The following FNDC3A variants were observed in gnomAD, a reference collection of about 807,000 sequenced individuals.
The protein encoded by FNDC3A is fibronectin type-III domain-containing protein 3A.
FNDC3A carries 32 observed loss-of-function variants against 148.9 expected under a neutral mutation model. That is an observed-to-expected ratio of 0.21 (90% CI 0.16 to 0.29). The LOEUF (loss-of-function observed/expected upper bound fraction) is 0.29, where lower values mean the gene tolerates loss of function less well. Among genes scored for constraint, FNDC3A ranks in the 10% least tolerant of loss-of-function variants. The pLI is 1.00. For missense variants in FNDC3A, 1,191 were observed against 1,452.8 expected, an observed-to-expected ratio of 0.82 and a Z score of 2.93; for synonymous variants, 472 against 473.6, an observed-to-expected ratio of 1.00 and a Z score of 0.04.
intron 1 of FNDC3A, among the ~76,000 whole-genome samples, chr13:48,980,335 G>T (rs1486574316): frequency 1.3e-5 from 2 of 152,134 alleles, no homozygotes; most frequent in Non-Finnish European, 2.9e-5. Context: ...GTCTGTAAGT[G>T]ACAACAGAGG....
chr13:49,094,008 AAG>A (rs1272692400), intron 3 of FNDC3A, among the ~76,000 whole-genome samples: 1 of 152,134 alleles, frequency 6.6e-6, no homozygotes. Flanking sequence ...AATAATTTTA[AAG>A]AGTGAACGAT....
intron 3 of FNDC3A, among the ~76,000 whole-genome samples, chr13:49,082,663 TC>T (rs1380866630): frequency 6.6e-6 from 1 of 151,858 alleles, no homozygotes; most frequent in Non-Finnish European, 1.5e-5. Context: ...GAGCTGCAGT[TC>T]CCCAGAGTAG....
At position 49,207,328 on chromosome 13, in the gene FNDC3A, T is replaced by A. The variant is rs2138151427; in HGVS notation, c.3530T>A (p.Ile1177Asn). 1 of 1,613,956 alleles carries A rather than the reference T, an allele frequency of 6.2e-7. No homozygotes were observed. Among genetic ancestry groups the A allele is most frequent in the Admixed American group, 1.7e-5 (1 of 60,022 alleles). ...ALSDEQCAAV[I>N]LVLFAFFSIL... The stretch of plus-strand genomic sequence containing the variant: ...AGTGACGAGCAGTGTGCTGCCGTCA[T>A]CCTTGTGCTGTTTGCTTTCTTTTCC... The change falls in exon 26 of 26, where the codon ATC becomes AAC. Residue 1177 changes from isoleucine (I) to asparagine (N), a missense_variant. By Grantham distance (149) the Ile-to-Asn change is moderately radical (BLOSUM62 -3). Around this residue, in one of 3 missense-constraint regions of FNDC3A, gnomAD observed 751 missense variants for 944.0 expected, o/e 0.80. Coordinates refer to ENST00000492622, the MANE Select transcript of FNDC3A (RefSeq NM_001079673.2).
intron 14 of FNDC3A, among the ~76,000 whole-genome samples, chr13:49,183,171 C>G (rs1165751494): frequency 2.0e-5 from 3 of 152,204 alleles, no homozygotes; most frequent in East Asian, 1.9e-4. Context: ...GCTCACTGTT[C>G]ACTATTCACT....
intron 2 of FNDC3A, among the ~76,000 whole-genome samples, chr13:49,019,532 C>T (rs143693549): frequency 0.019 from 2,848 of 152,286 alleles, 93 homozygotes; most frequent in African/African-American, 0.063. Flanking sequence ...AACCCGGTAC[C>T]TCAGATGGAA....
At chr13:49,082,121 A>G (rs1410540036) in intron 3 of FNDC3A, among the ~76,000 whole-genome samples, 3 of 152,192 alleles carry the variant, frequency 2.0e-5, no homozygotes, top group East Asian at 3.9e-4. Context: ...ACGGTGGCTC[A>G]CGCCTGTAAT....
intron 2 of FNDC3A, among the ~76,000 whole-genome samples, chr13:49,050,855 G>T (rs1875786900): frequency 6.6e-6 from 1 of 152,130 alleles, no homozygotes. Context: ...TTAGAATTGT[G>T]ATGTTTTCCT....
intron 4 of FNDC3A, among the ~76,000 whole-genome samples, chr13:49,125,833 A>C (rs1043737874): frequency 5.3e-5 from 8 of 152,074 alleles, no homozygotes; most frequent in African/African-American, 1.9e-4. Flanking sequence ...AGCCCTTCTC[A>C]ATTGTGTCTC....
At chr13:49,194,680 T>A (rs1428649947) in intron 19 of FNDC3A, among the ~76,000 whole-genome samples, 1 of 152,168 alleles carries the variant, frequency 6.6e-6, no homozygotes, top group Non-Finnish European at 1.5e-5. Context: ...ACTGGTAGTG[T>A]TGAGCAGTGC....
chr13:49,175,379 A>G lies in FNDC3A; in HGVS notation c.1368A>G (p.Glu456=). The stretch of plus-strand genomic sequence containing the variant: ...TTTGTTTCAACAGTGGTTTTAGTGA[A>G]GAAGTCTTATATTACACCTCAGGCT... The part of the protein sequence containing the change: ...RNDYGTSGFS[E]EVLYYTSGCA... The change falls in exon 13 of 26, where the codon GAA becomes GAG. Residue 456 remains glutamate, a synonymous_variant. Transcript: ENST00000492622. 1 of 1,566,230 alleles carries G rather than the reference A, an allele frequency of 6.4e-7. No individual in the cohort carries two copies. The highest frequency in any genetic ancestry group is 1.2e-5 in the South Asian group (1 of 82,096).
intron 1 of FNDC3A, among the ~76,000 whole-genome samples, chr13:48,980,961 A>G (rs1190181917): frequency 2.0e-5 from 3 of 152,200 alleles, no homozygotes; most frequent in Non-Finnish European, 4.4e-5. Flanking sequence ...TGTTAAAAAC[A>G]TTAAAACCAA....
At chr13:49,009,967 T>C (rs1952303485) in intron 2 of FNDC3A, among the ~76,000 whole-genome samples, 1 of 152,228 alleles carries the variant, frequency 6.6e-6, no homozygotes, top group Admixed American at 6.5e-5. Context: ...CATGGGATTT[T>C]AATTTACGGA....
chr13:49,181,938 G>A (rs1051726926), intron 14 of FNDC3A, among the ~76,000 whole-genome samples: 2 of 151,952 alleles, frequency 1.3e-5, no homozygotes, highest in African/African-American at 4.8e-5. Flanking sequence ...TAAGAACAGT[G>A]AAAAAATTTA....
intron 2 of FNDC3A, among the ~76,000 whole-genome samples, chr13:49,028,005 G>A (rs1873843576): frequency 6.6e-6 from 1 of 152,048 alleles, no homozygotes; most frequent in Admixed American, 6.6e-5. Context: ...CTGAGGTCAG[G>A]AGTTTGAGAC....
chr13:49,206,267 A>G (rs1316077466), intron 25 of FNDC3A, among the ~76,000 whole-genome samples: 1 of 152,184 alleles, frequency 6.6e-6, no homozygotes, highest in Non-Finnish European at 1.5e-5. Context: ...TTGGTCTAAA[A>G]TCACATCTGG....
chr13:49,020,983 A>G (rs563900033), intron 2 of FNDC3A, among the ~76,000 whole-genome samples: 28 of 152,324 alleles, frequency 1.8e-4, no homozygotes, highest in East Asian at 7.7e-4. Context: ...CCAGAGATGT[A>G]GAAATTATCA....
chr13:49,102,382 A>G (rs1274307532), intron 3 of FNDC3A, among the ~76,000 whole-genome samples: 1 of 152,158 alleles, frequency 6.6e-6, no homozygotes, highest in Non-Finnish European at 1.5e-5. Context: ...CAGTGAGATA[A>G]ATATAGGTAC....
chr13:49,125,244 A>G (rs535647172), intron 4 of FNDC3A, among the ~76,000 whole-genome samples: 3 of 152,340 alleles, frequency 2.0e-5, no homozygotes, highest in South Asian at 4.1e-4. Flanking sequence ...CCTGGGGACA[A>G]CAGCCAAAAG....
At chr13:49,030,314 C>A (rs964563297) in intron 2 of FNDC3A, among the ~76,000 whole-genome samples, 6 of 152,030 alleles carry the variant, frequency 3.9e-5, no homozygotes, top group African/African-American at 9.7e-5. Flanking sequence ...TGACAAAATT[C>A]AACACTTTTC....
Sources: gnomAD v4.1 joint callset for allele counts (sites outside exome capture counted in the v4.1 genomes callset) on GRCh38, gnomAD v4.1.1 for gene constraint, gnomAD v4.1.1 regional missense constraint, MANE v1.5 for transcripts, NCBI Gene and HGNC (gene_info 2026-07-23, HGNC 2026-07-21) for gene names.